The following TPGS2 variants were observed in gnomAD, a reference collection of about 807,000 sequenced individuals.
The protein encoded by TPGS2 is polyglutamylase subunit 2.
In TPGS2, 26 loss-of-function variants were observed where a neutral mutation model predicts 31.1. That is an observed-to-expected ratio of 0.84 (90% CI 0.61 to 1.16). The LOEUF (loss-of-function observed/expected upper bound fraction) is 1.16, where lower values mean the gene tolerates loss of function less well. TPGS2 is among the 50% of genes most tolerant of loss of function. The pLI, the probability that TPGS2 is intolerant of heterozygous loss-of-function variation, is 0.00. For missense variants in TPGS2, 351 were observed against 363.8 expected (o/e 0.96, Z 0.29); for synonymous variants, 130 against 136.6 (o/e 0.95, Z 0.34).
intron 2 of TPGS2, among the ~76,000 whole-genome samples, chr18:36,812,190 T>C (rs566476078): frequency 2.1e-4 from 32 of 152,350 alleles, no homozygotes; most frequent in African/African-American, 7.5e-4. Context: ...CCCAGATTCC[T>C]GGCATACAAT....
chr18:36,809,834 G>A (rs1389925043), intron 2 of TPGS2, among the ~76,000 whole-genome samples: 1 of 152,144 alleles, frequency 6.6e-6, no homozygotes, highest in African/African-American at 2.4e-5. Flanking sequence ...GCTGAGGGCA[G>A]GTGGACTATT....
intron 6 of TPGS2, among the ~76,000 whole-genome samples, chr18:36,785,024 G>T (rs889662811): frequency 6.6e-6 from 1 of 152,162 alleles, no homozygotes; most frequent in African/African-American, 2.4e-5. Flanking sequence ...CTGGTCAGGC[G>T]TGGTGGCTCA....
At chr18:36,785,832 TGGAGA>T (rs895250355) in intron 6 of TPGS2, among the ~76,000 whole-genome samples, 2 of 152,168 alleles carry the variant, frequency 1.3e-5, no homozygotes, top group African/African-American at 4.8e-5. Context: ...TCTGTAACTC[TGGAGA>T]GGAAACTATT....
rs946553389 is a variant in TPGS2, at chr18:36,794,284, G to A, written c.*2521C>T. ...AGCCTCACATCTTCATTTTGTACTGGATCCTGCACTGAGTGGAGTCAGTCC... is the reference window on the plus strand; with the variant it reads ...AGCCTCACATCTTCATTTTGTACTGAATCCTGCACTGAGTGGAGTCAGTCC... On this transcript the variant is annotated 3_prime_UTR_variant, in exon 7 of 7. Transcript: ENST00000334295. The A allele has an allele frequency of 1.0e-6, 1 of 985,410 alleles. No individual in the cohort carries two copies. The highest frequency in any genetic ancestry group is 1.2e-6 in the Non-Finnish European group (1 of 829,908). The allele number at this position is 985,410 out of a possible 1,614,324, so 61.0% of individuals were successfully genotyped here. A position where few individuals can be genotyped will look rare whatever the true frequency, so the allele number is the denominator to read the frequency against.
Position 36,796,839 on chromosome 18 carries a change from G to A in TPGS2, c.869C>T (p.Ser290Phe), listed in dbSNP as rs746670760. 31 of 1,605,492 alleles carry A rather than the reference G, an allele frequency of 1.9e-5. No individual in the cohort carries two copies. Among genetic ancestry groups the A allele is most frequent in the African/African-American group, 4.0e-5 (3 of 74,494 alleles). Residue 290 changes from serine to phenylalanine, a missense_variant, in exon 7 of 7, where the codon TCC becomes TTC. Transcript: ENST00000334295. ...SGPSTSSTSKSSSGSGNPTRK is the reference protein window; with the variant it reads ...SGPSTSSTSKFSSGSGNPTRK ...GGTGGGGTTTCCAGAGCCAGAGGAG[G>A]ATTTAGAAGTGGAGGAAGTGGAGGG...
chr18:36,800,383 G>T, intron 4 of TPGS2, 72 bp from the exon 5 acceptor site: 1 of 1,303,240 alleles, frequency 7.7e-7, no homozygotes, highest in Non-Finnish European at 1.1e-6. Context: ...ATCCAACTTT[G>T]CTAGGTGGAA....
chr18:36,800,179 G>A lies in TPGS2; in HGVS notation c.496+19C>T, dbSNP rs756108135. The A allele has an allele frequency of 8.7e-6, 14 of 1,608,632 alleles. No individual in the cohort carries two copies. Among genetic ancestry groups the A allele is most frequent in the Admixed American group, 3.3e-5 (2 of 59,990 alleles). On this transcript the variant is annotated intron_variant, in intron 5 of 6. Transcript: ENST00000334295. ...GACCCTAGCCAAACTACGGGACCAC[G>A]CTTGTAAACAATTCTTACCTGGTTT...
At chr18:36,826,399 A>G (rs1212807633) in intron 1 of TPGS2, among the ~76,000 whole-genome samples, 2 of 128,230 alleles carry the variant, frequency 1.6e-5, no homozygotes, top group East Asian at 5.0e-4. Context: ...TTGCTGGTGT[A>G]TAGGCTGTGT....
In TPGS2 at chr18:36,828,964, G is replaced by GC; in HGVS notation, c.-198dup. On this transcript the variant is annotated 5_prime_UTR_variant, in exon 1 of 7. Transcript: ENST00000334295. ...GCCGGTTCCCGCGGCCCCGCCCGGTGCCCCACACCGCACCTCCGGGACGTA... is the reference window on the plus strand; with the variant it reads ...GCCGGTTCCCGCGGCCCCGCCCGGTGCCCCCACACCGCACCTCCGGGACGTA... 2.0e-6 allele frequency: 2 copies of GC among 1,006,106 alleles called. No individual in the cohort carries two copies. The allele number at this position is 1,006,106 out of a possible 1,614,324, so 62.3% of individuals were successfully genotyped here.
At chr18:36,805,567 G>A in intron 3 of TPGS2, 65 bp from the exon 4 acceptor site, 1 of 1,598,874 alleles carries the variant, frequency 6.3e-7, no homozygotes, top group South Asian at 1.1e-5. Flanking sequence ...GTTATCATGA[G>A]ATTCTGCTTG....
At chr18:36,821,258 G>C (rs1256297496) in intron 1 of TPGS2, 1 of 152,178 alleles carries the variant, frequency 6.6e-6, no homozygotes, top group Non-Finnish European at 1.5e-5. Context: ...CTTTTGGAGA[G>C]AGAGGGCATA....
Position 36,795,956 on chromosome 18 carries a change from A to G in TPGS2, c.*849T>C. ...TGGGAATTTTTTGTTTTTAAATGGT[A>G]AGAATAAAGTATAGCAGAAGTACAC... On this transcript the variant is annotated 3_prime_UTR_variant, in exon 7 of 7. Transcript: ENST00000334295. The G allele has an allele frequency of 1.0e-6, 1 of 985,496 alleles. No homozygotes were observed. Among genetic ancestry groups the G allele is most frequent in the Non-Finnish European group, 1.2e-6 (1 of 829,942 alleles). 61.0% of individuals were successfully genotyped at this position (985,496 alleles called of 1,614,324 possible). A position where few individuals can be genotyped will look rare whatever the true frequency, so the allele number is the denominator to read the frequency against.
In TPGS2 at chr18:36,798,631, G is replaced by C. The variant is rs769040425; in HGVS notation, c.497-22C>G. The C allele has an allele frequency of 1.1e-5, 17 of 1,607,374 alleles. No homozygotes were observed. The East Asian group carries it at 3.6e-4, about 34-fold the overall frequency. On this transcript the variant is annotated intron_variant, in intron 5 of 6. Coordinates refer to ENST00000334295, the MANE Select transcript of TPGS2 (RefSeq NM_015476.4). ...AATGCTGAAGTAGAAGACAAAGGAA[G>C]TAAAAGATAAAGAATAGCTTAACAG... is the stretch of plus-strand genomic sequence containing the variant.
At chr18:36,783,199 G>A (rs2150516811) in intron 6 of TPGS2, 1 of 395,354 alleles carries the variant, frequency 2.5e-6, no homozygotes, top group East Asian at 3.6e-5. Flanking sequence ...ACTAAAGGAT[G>A]TTTCCTGTTG....
In TPGS2 at chr18:36,798,590, C is replaced by G. The variant is rs2044647479; in HGVS notation, c.516G>C (p.Glu172Asp). The G allele has an allele frequency of 3.1e-6, 5 of 1,614,058 alleles. No homozygotes were observed. In the East Asian group the frequency reaches 1.1e-4, roughly 36 times the overall value. ...ATAACGCTCTGTCCAGGAACCAGAT[C>G]TCAGTGTCTTCTGCTAATGCTGAAG... ...SGKPALAEDT[E>D]IWFLDRALYW... Residue 172 changes from glutamate to aspartate, a missense_variant, in exon 6 of 7, where the codon GAG becomes GAC. Coordinates refer to ENST00000334295, the MANE Select transcript of TPGS2 (RefSeq NM_015476.4).
chr18:36,828,970 C>A lies in TPGS2; in HGVS notation c.-203G>T. ...TCCCGCGGCCCCGCCCGGTGCCCCA[C>A]ACCGCACCTCCGGGACGTAGCTTCC... On this transcript the variant is annotated 5_prime_UTR_variant, in exon 1 of 7. Coordinates refer to ENST00000334295, the MANE Select transcript of TPGS2 (RefSeq NM_015476.4). 1 of 1,031,906 alleles carries A rather than the reference C, an allele frequency of 9.7e-7. No individual in the cohort carries two copies. Among genetic ancestry groups the A allele is most frequent in the Non-Finnish European group, 1.3e-6 (1 of 745,792 alleles). The allele number at this position is 1,031,906 out of a possible 1,614,324, so 63.9% of individuals were successfully genotyped here.
At chr18:36,780,084 A>T (rs2043965754), downstream of TPGS2, 1 of 1,162,678 alleles carries the variant, frequency 8.6e-7, no homozygotes, top group South Asian at 4.4e-5. Context: ...TCTTCTGGGA[A>T]CAGGACCTTA....
At chr18:36,827,771 C>T (rs545156765) in intron 1 of TPGS2, among the ~76,000 whole-genome samples, 6 of 152,204 alleles carry the variant, frequency 3.9e-5, no homozygotes, top group Non-Finnish European at 7.3e-5. Flanking sequence ...TAAGATCAGT[C>T]CCCTCCTCTG....
intron 1 of TPGS2, among the ~76,000 whole-genome samples, chr18:36,822,713 GCCT>G (rs1476857675): frequency 1.3e-5 from 2 of 152,050 alleles, no homozygotes; most frequent in Non-Finnish European, 2.9e-5. Flanking sequence ...TCCCATCTTA[GCCT>G]CCCAAGTAGC....
Sources: gnomAD v4.1 joint callset for allele counts (sites outside exome capture counted in the v4.1 genomes callset) on GRCh38, gnomAD v4.1.1 for gene constraint, MANE v1.5 for transcripts, NCBI Gene and HGNC (gene_info 2026-07-23, HGNC 2026-07-21) for gene names.